Variants in TAFA5 observed in about 807,000 individuals in gnomAD.
TAFA5 encodes TAFA chemokine like family member 5.
Under a neutral mutation model 15.3 loss-of-function variants are expected in TAFA5, and 6 were observed. The observed-to-expected ratio is 0.39, with a 90% CI of 0.21 to 0.77. The LOEUF is 0.77. Among genes scored for constraint, TAFA5 ranks in the 30% least tolerant of loss-of-function variants. TAFA5 has a pLI of 0.41. For missense variants in TAFA5, 161 were observed against 193.1 expected (o/e 0.83, Z 0.98); for synonymous variants, 103 against 80.7 (o/e 1.28, Z -1.48).
intron 3 of TAFA5, among the ~76,000 whole-genome samples, chr22:48,730,452 C>T (rs989732772): frequency 3.3e-5 from 5 of 152,036 alleles, no homozygotes; most frequent in African/African-American, 7.2e-5. Flanking sequence ...AACAAAAGTG[C>T]GTCTTGCTAC....
intron 1 of TAFA5, among the ~76,000 whole-genome samples, chr22:48,623,947 A>G (rs1053739075): frequency 6.6e-6 from 1 of 152,244 alleles, no homozygotes; most frequent in Non-Finnish European, 1.5e-5. Context: ...AAGAACTGGC[A>G]TTGGCTTGTC....
intron 3 of TAFA5, among the ~76,000 whole-genome samples, chr22:48,723,247 G>T (rs1169810971): frequency 6.6e-6 from 1 of 152,146 alleles, no homozygotes; most frequent in Non-Finnish European, 1.5e-5. Context: ...ATGCCACAGT[G>T]GGAATGAAAT....
intron 2 of TAFA5, among the ~76,000 whole-genome samples, chr22:48,664,700 G>T (rs1231228479): frequency 6.6e-6 from 1 of 152,132 alleles, no homozygotes; most frequent in African/African-American, 2.4e-5. Context: ...GAAGCAGGGA[G>T]TAGGCCTCAT....
intron 3 of TAFA5, among the ~76,000 whole-genome samples, chr22:48,744,479 G>A (rs769940197): frequency 1.3e-5 from 2 of 152,202 alleles, no homozygotes; most frequent in African/African-American, 2.4e-5. Context: ...GCCATGACCC[G>A]TGTGGTTCGT....
At chr22:48,562,017 T>C (rs1486512720) in intron 1 of TAFA5, among the ~76,000 whole-genome samples, 1 of 152,128 alleles carries the variant, frequency 6.6e-6, no homozygotes, top group African/African-American at 2.4e-5. Context: ...GGATTCATAG[T>C]AGGAACAGCC....
chr22:48,542,430 T>A (rs1922451444), intron 1 of TAFA5, among the ~76,000 whole-genome samples: 1 of 122,894 alleles, frequency 8.1e-6, no homozygotes. Flanking sequence ...TGTGTATGTG[T>A]GTGGTGTGTG....
intron 3 of TAFA5, among the ~76,000 whole-genome samples, chr22:48,712,071 T>C (rs1453528073): frequency 6.6e-6 from 1 of 152,234 alleles, no homozygotes; most frequent in Non-Finnish European, 1.5e-5. Context: ...CACTGCTTTT[T>C]TGGGGATGGA....
intron 1 of TAFA5, among the ~76,000 whole-genome samples, chr22:48,565,903 T>C (rs951423949): frequency 2.0e-5 from 3 of 151,912 alleles, no homozygotes; most frequent in Non-Finnish European, 2.9e-5. Context: ...GATAGATAGA[T>C]AGATGAATTG....
At chr22:48,664,913 G>A (rs1024267342) in intron 2 of TAFA5, among the ~76,000 whole-genome samples, 4 of 152,144 alleles carry the variant, frequency 2.6e-5, no homozygotes, top group Admixed American at 2.6e-4. Flanking sequence ...CTTGGTGCAC[G>A]TCTCCGAGTG....
chr22:48,714,112 C>T (rs373727232), intron 3 of TAFA5, among the ~76,000 whole-genome samples: 2 of 152,338 alleles, frequency 1.3e-5, no homozygotes, highest in East Asian at 3.9e-4. Context: ...GTCCGTGGCC[C>T]GCACACTGAG....
At chr22:48,639,270 G>A (rs1176727210) in intron 1 of TAFA5, among the ~76,000 whole-genome samples, 8 of 152,214 alleles carry the variant, frequency 5.3e-5, no homozygotes, top group Admixed American at 2.0e-4. Flanking sequence ...ACCTCGGGCC[G>A]CCCCCTGCCC....
intron 1 of TAFA5, among the ~76,000 whole-genome samples, chr22:48,610,342 T>A (rs1925353761): frequency 1.3e-5 from 2 of 152,262 alleles, no homozygotes; most frequent in South Asian, 4.1e-4. Context: ...GTGTCCAGCC[T>A]CACCTGTGCT....
intron 2 of TAFA5, among the ~76,000 whole-genome samples, chr22:48,649,557 G>A (rs909737274): frequency 1.3e-5 from 2 of 152,176 alleles, no homozygotes; most frequent in Non-Finnish European, 1.5e-5. Context: ...CACCAGGTAC[G>A]CAGGGCCTCA....
intron 1 of TAFA5, among the ~76,000 whole-genome samples, chr22:48,499,815 G>T (rs1920942861): frequency 6.6e-6 from 1 of 152,180 alleles, no homozygotes; most frequent in African/African-American, 2.4e-5. Context: ...TCCCTCCCGG[G>T]TCCCCTTGTC....
intron 1 of TAFA5, among the ~76,000 whole-genome samples, chr22:48,622,946 G>C (rs1457781079): frequency 6.6e-6 from 1 of 152,234 alleles, no homozygotes; most frequent in Non-Finnish European, 1.5e-5. Flanking sequence ...GGGACCCAAT[G>C]CTCGCTTCCT....
chr22:48,576,453 G>C (rs751834078), intron 1 of TAFA5: 21 of 1,385,620 alleles, frequency 1.5e-5, no homozygotes, highest in Non-Finnish European at 1.8e-5. Flanking sequence ...CGCGACTTCG[G>C]GGGCGTCGGC....
chr22:48,520,353 A>G (rs574829914), intron 1 of TAFA5, among the ~76,000 whole-genome samples: 2 of 152,336 alleles, frequency 1.3e-5, no homozygotes, highest in Admixed American at 1.3e-4. Context: ...GACACTGGGC[A>G]TGTGTTGGCT....
At chr22:48,685,604 A>T (rs974514197) in intron 2 of TAFA5, among the ~76,000 whole-genome samples, 1 of 151,722 alleles carries the variant, frequency 6.6e-6, no homozygotes, top group Non-Finnish European at 1.5e-5. Context: ...TGGGGCCTAA[A>T]CTCCAAAAGG....
chr22:48,734,345 A>G (rs912991862), intron 3 of TAFA5, among the ~76,000 whole-genome samples: 12 of 152,254 alleles, frequency 7.9e-5, no homozygotes, highest in African/African-American at 2.9e-4. Flanking sequence ...GTTAATCTTT[A>G]CATTTAGTAA....
Sources: allele counts gnomAD v4.1 joint callset (sites outside exome capture counted in the v4.1 genomes callset), GRCh38; gene constraint gnomAD v4.1.1; transcripts MANE v1.5; gene names NCBI Gene and HGNC (gene_info 2026-07-23, HGNC 2026-07-21).